The following LCOR variants were observed in gnomAD, a reference collection of about 807,000 sequenced individuals.
LCOR encodes the protein ligand-dependent corepressor.
A neutral mutation model predicts 64.4 loss-of-function variants in LCOR; 14 were observed. That is an observed-to-expected ratio of 0.22 (90% CI 0.14 to 0.34). The LOEUF (loss-of-function observed/expected upper bound fraction) is 0.34, where lower values mean the gene tolerates loss of function less well. LCOR is among the 10% of genes least tolerant of loss of function. LCOR has a pLI of 1.00. For synonymous variants in LCOR, 643 were observed against 642.5 expected, an observed-to-expected ratio of 1.00 and a Z score of -0.01; for missense variants, 1,686 against 1,765.3, an observed-to-expected ratio of 0.96 and a Z score of 0.80.
chr10:96,855,837 G>A (rs1845794450), intron 2 of LCOR, among the ~76,000 whole-genome samples: 1 of 149,856 alleles, frequency 6.7e-6, no homozygotes, highest in South Asian at 2.1e-4. Flanking sequence ...TGCCTTCCGG[G>A]TTCAAGCGAT....
chr10:96,853,538 T>C (rs942149054), intron 2 of LCOR, among the ~76,000 whole-genome samples: 1 of 152,222 alleles, frequency 6.6e-6, no homozygotes, highest in Non-Finnish European at 1.5e-5. Flanking sequence ...TGGTCTAGGC[T>C]TGCTCATGTA....
rs768640337 is a variant in LCOR at position 96,983,759 on chromosome 10, A to C, written c.3299A>C (p.Glu1100Ala). 6.2e-7 allele frequency: 1 copy of C among 1,614,198 alleles called. No individual in the cohort carries two copies. The highest frequency in any genetic ancestry group is 1.1e-5 in the South Asian group (1 of 91,076). The change falls in exon 8 of 8, where the codon GAA (glutamate) becomes GCA (alanine). Residue 1100 changes from glutamate to alanine, a missense_variant. By Grantham distance (107) the Glu-to-Ala change is moderately radical (BLOSUM62 -1). Transcript: ENST00000421806. The surrounding 1 kb of genome is among the most constrained non-coding windows in gnomAD (Gnocchi z 4.5). ...GTAGATGAACAGCCAAAGTTTATGG[A>C]ATGGTGTGCTGAGGAGGAGAACCAA... is the stretch of plus-strand genomic sequence containing the variant. Reference protein sequence around the residue: ...TVVDEQPKFMEWCAEEENQEL... With the variant: ...TVVDEQPKFMAWCAEEENQEL...
chr10:96,859,298 G>A (rs915566365), intron 2 of LCOR, among the ~76,000 whole-genome samples: 8 of 152,030 alleles, frequency 5.3e-5, no homozygotes, highest in Non-Finnish European at 7.4e-5. Flanking sequence ...CAACCTTAGC[G>A]TCCCGGGTTC....
intron 4 of LCOR, among the ~76,000 whole-genome samples, chr10:96,908,502 A>G (rs982185823): frequency 1.3e-5 from 2 of 152,208 alleles, no homozygotes; most frequent in African/African-American, 4.8e-5. Context: ...CTTCTTCATA[A>G]TATCTGGGCA....
chr10:96,981,972 C>T lies in LCOR; in HGVS notation c.1512C>T (p.Tyr504=). 6.2e-7 allele frequency: 1 copy of T among 1,614,028 alleles called. No individual in the cohort carries two copies. ...RKTARKSTRG[Y]FFNGDCCELP... is the part of the protein sequence containing the mutation. ...CAGCCAGAAAGAGTACTCGAGGATA[C>T]TTTTTCAATGGTGACTGTTGTGAGC... The change falls in exon 8 of 8, where the codon TAC becomes TAT. Residue 504 remains tyrosine, a synonymous_variant. Coordinates refer to ENST00000421806, the MANE Select transcript of LCOR (RefSeq NM_001346516.2).
intron 2 of LCOR, among the ~76,000 whole-genome samples, chr10:96,880,777 T>C (rs1381120276): frequency 1.3e-5 from 2 of 152,232 alleles, no homozygotes; most frequent in Non-Finnish European, 2.9e-5. Flanking sequence ...TTTGTTGGCA[T>C]TAATGAGTCA....
intron 2 of LCOR, among the ~76,000 whole-genome samples, chr10:96,861,746 A>T (rs966380014): frequency 6.6e-6 from 1 of 152,258 alleles, no homozygotes; most frequent in East Asian, 1.9e-4. Context: ...GGGTTTCGCC[A>T]TGTTGGCCAG....
At chr10:96,887,731 A>G (rs1483462391) in intron 2 of LCOR, among the ~76,000 whole-genome samples, 1 of 150,236 alleles carries the variant, frequency 6.7e-6, no homozygotes, top group Non-Finnish European at 1.5e-5. Flanking sequence ...CCCAGGCTAT[A>G]GTGCAATGGC....
At position 96,949,315 on chromosome 10, in the gene LCOR, TCTC is replaced by T; in HGVS notation, c.238+24_238+26del. ...AACAAGGTATGGTTTGATGTCAAGG[TCTC>T]CTCTATCTTATCAGAATACTTTACT... On this transcript the variant is annotated intron_variant, in intron 6 of 7. Coordinates refer to ENST00000421806, the MANE Select transcript of LCOR (RefSeq NM_001346516.2). The T allele has an allele frequency of 6.2e-7, 1 of 1,609,642 alleles. No homozygotes were observed. The highest frequency in any genetic ancestry group is 1.7e-5 in the Admixed American group (1 of 59,846).
intron 4 of LCOR, among the ~76,000 whole-genome samples, chr10:96,910,525 CTT>C (rs1320358322): frequency 2.0e-5 from 3 of 152,200 alleles, no homozygotes; most frequent in African/African-American, 7.2e-5. Context: ...TATTGGAACT[CTT>C]TGCAGTCACT....
At chr10:96,846,241 G>A (rs553988531) in intron 2 of LCOR, among the ~76,000 whole-genome samples, 2 of 152,088 alleles carry the variant, frequency 1.3e-5, no homozygotes, top group African/African-American at 4.8e-5. Context: ...TGTTGTACTG[G>A]CTTTAAGTTT....
chr10:96,881,155 T>G (rs547520877), intron 2 of LCOR, among the ~76,000 whole-genome samples: 5 of 152,286 alleles, frequency 3.3e-5, no homozygotes, highest in African/African-American at 1.2e-4. Flanking sequence ...CAGAAAAGGT[T>G]TGTCTGACTC....
intron 4 of LCOR, chr10:96,915,997 A>C (rs1366165492): frequency 5.1e-6 from 1 of 195,576 alleles, no homozygotes; most frequent in Non-Finnish European, 1.1e-5. Context: ...CCTCTTCTTC[A>C]CACTGTTCCC....
chr10:96,873,570 A>ATG (rs1846109539), intron 2 of LCOR, among the ~76,000 whole-genome samples: 1 of 66,392 alleles, frequency 1.5e-5, no homozygotes, highest in South Asian at 8.2e-4. Flanking sequence ...ACACACACAC[A>ATG]CGTGTGTGTG....
rs2134450548 is a variant in LCOR at position 96,905,020 on chromosome 10, G to A, written c.-329-2245G>A. On this transcript the variant is annotated intron_variant, in intron 2 of 7. Coordinates refer to ENST00000421806, the MANE Select transcript of LCOR (RefSeq NM_001346516.2). The stretch of plus-strand genomic sequence containing the variant: ...GACTTGTTTACAGTTGCTATTTTGA[G>A]CAAAATTAGTTGTGATTAAATCTTT... Among the ~76,000 whole-genome samples, 3 of 152,220 alleles carry A rather than the reference G, an allele frequency of 2.0e-5. No homozygotes were observed. In the Middle Eastern group the frequency reaches 0.01, roughly 518 times the overall value.
intron 4 of LCOR, among the ~76,000 whole-genome samples, chr10:96,932,008 G>T (rs915391829): frequency 1.3e-5 from 2 of 152,108 alleles, no homozygotes; most frequent in African/African-American, 4.8e-5. Context: ...GCTTTTGCTG[G>T]GGGGATAGCA....
At chr10:96,899,520 TAAAACC>T (rs1384074660) in intron 2 of LCOR, among the ~76,000 whole-genome samples, 1 of 152,132 alleles carries the variant, frequency 6.6e-6, no homozygotes, top group African/African-American at 2.4e-5. Context: ...TTTATAAACT[TAAAACC>T]TGGTTCTCTC....
At chr10:96,911,822 AC>A (rs1281896258) in intron 4 of LCOR, among the ~76,000 whole-genome samples, 1 of 152,240 alleles carries the variant, frequency 6.6e-6, no homozygotes, top group Non-Finnish European at 1.5e-5. Context: ...TAAATGAGTG[AC>A]TAAGAAGTCA....
chr10:96,848,320 C>A (rs567916860), intron 2 of LCOR, among the ~76,000 whole-genome samples: 1 of 152,318 alleles, frequency 6.6e-6, no homozygotes, highest in East Asian at 1.9e-4. Context: ...ATAACTGTTA[C>A]TGTTATATTT....
Sources: allele counts gnomAD v4.1 joint callset (sites outside exome capture counted in the v4.1 genomes callset), GRCh38; gene constraint gnomAD v4.1.1; non-coding constraint Gnocchi (gnomAD v3.1); transcripts MANE v1.5; gene names NCBI Gene and HGNC (gene_info 2026-07-23, HGNC 2026-07-21).